TNFRSF11B: variants seen among roughly 807,000 people sequenced by gnomAD.
TNFRSF11B encodes TNF receptor superfamily member 11b.
Under a neutral mutation model 43.4 loss-of-function variants are expected in TNFRSF11B, and 16 were observed. That is an observed-to-expected ratio of 0.37 (90% CI 0.25 to 0.56). The LOEUF is 0.56. TNFRSF11B is among the 20% of genes least tolerant of loss of function. The pLI is 0.80. For missense variants in TNFRSF11B, 444 were observed against 490.1 expected (o/e 0.91, Z 0.89); for synonymous variants, 185 against 181.8 (o/e 1.02, Z -0.14).
In TNFRSF11B at chr8:118,923,668, A is replaced by G. The variant is rs537462720; in HGVS notation, c.*706T>C. The stretch of plus-strand genomic sequence containing the variant: ...AGAGCATCTAATATTCAGATAATTT[A>G]TATTTCATATGTTTTCCAACATTAA... On this transcript the variant is annotated 3_prime_UTR_variant, in exon 5 of 5. Transcript: ENST00000297350. 5 of 152,780 alleles carry G rather than the reference A, an allele frequency of 3.3e-5. 1 individual carries two copies. The highest frequency in any genetic ancestry group is 3.3e-4 in the Admixed American group (5 of 15,310). 9.5% of individuals were successfully genotyped at this position (152,780 alleles called of 1,614,324 possible).
intron 3 of TNFRSF11B, 142 bp downstream of exon 3, chr8:118,928,596 C>G: frequency 2.3e-6 from 2 of 887,160 alleles, no homozygotes; most frequent in Non-Finnish European, 1.8e-6. Context: ...AGTAATGCAT[C>G]GAGAGTAGCC....
chr8:118,943,196 G>A (rs899461281), intron 1 of TNFRSF11B, among the ~76,000 whole-genome samples: 2 of 151,954 alleles, frequency 1.3e-5, no homozygotes, highest in African/African-American at 4.8e-5. Flanking sequence ...ACTTATTCCT[G>A]CATCCCCAGG....
chr8:118,927,743 C>T (rs1285602423), intron 3 of TNFRSF11B, among the ~76,000 whole-genome samples: 1 of 151,942 alleles, frequency 6.6e-6, no homozygotes, highest in Non-Finnish European at 1.5e-5. Context: ...TATACCATTG[C>T]TTGATTAAAC....
rs202090603 is a variant in TNFRSF11B at position 118,933,234 on chromosome 8, C to G, written c.97G>C (p.Glu33Gln). 52 of 1,614,106 alleles carry G rather than the reference C, an allele frequency of 3.2e-5. No homozygotes were observed. The East Asian group carries it at 8.0e-4, about 25-fold the overall frequency. The change falls in exon 2 of 5, where the codon GAA (glutamate) becomes CAA (glutamine). Residue 33 changes from glutamate (E) to glutamine (Q), a missense_variant. Glu to Gln is a conservative substitution (Grantham distance 29). Transcript: ENST00000297350. ...TFPPKYLHYD[E>Q]ETSHQLLCDK... ...CACAACAGCTGATGAGAGGTTTCTT[C>G]GTCATAATGAAGGTACTTTGGAGGA...
intron 2 of TNFRSF11B, 34 bp downstream of exon 2, chr8:118,932,897 A>G: frequency 6.2e-7 from 1 of 1,613,370 alleles, no homozygotes; most frequent in South Asian, 1.1e-5. Flanking sequence ...ACTTTGCATG[A>G]TCCTAATTAA....
intron 2 of TNFRSF11B, among the ~76,000 whole-genome samples, chr8:118,931,223 T>G (rs548669099): frequency 6.6e-6 from 1 of 152,266 alleles, no homozygotes; most frequent in South Asian, 2.1e-4. Context: ...TAGTCTTTCC[T>G]TCTCTTTGGG....
intron 1 of TNFRSF11B, 37 bp from the exon 2 acceptor site, chr8:118,933,337 C>T (rs1327568616): frequency 6.2e-7 from 1 of 1,609,530 alleles, no homozygotes; most frequent in Middle Eastern, 1.7e-4. Flanking sequence ...ATCATCTTAG[C>T]ATGAAAATAG....
intron 1 of TNFRSF11B, among the ~76,000 whole-genome samples, chr8:118,938,225 C>T (rs1208820078): frequency 2.0e-5 from 3 of 152,096 alleles, no homozygotes; most frequent in Admixed American, 2.0e-4. Context: ...AAGTGATCTG[C>T]CTGCTTCAGC....
chr8:118,930,265 A>G (rs1436220039), intron 2 of TNFRSF11B, among the ~76,000 whole-genome samples: 2 of 152,232 alleles, frequency 1.3e-5, no homozygotes, highest in African/African-American at 4.8e-5. Flanking sequence ...ATTCTACAAT[A>G]TCATAAGCAG....
intron 1 of TNFRSF11B, among the ~76,000 whole-genome samples, chr8:118,937,304 C>T (rs1812418661): frequency 1.3e-5 from 2 of 152,132 alleles, no homozygotes; most frequent in Non-Finnish European, 2.9e-5. Context: ...AAAAGTCTTG[C>T]TCTAATCCCC....
intron 1 of TNFRSF11B, among the ~76,000 whole-genome samples, chr8:118,939,461 C>T (rs1434845061): frequency 5.9e-5 from 9 of 152,040 alleles, no homozygotes; most frequent in Admixed American, 5.9e-4. Flanking sequence ...AATAGAGAAA[C>T]AGGTTGGAAA....
rs2129876633 is a variant in TNFRSF11B at position 118,924,048 on chromosome 8, T to G, written c.*326A>C. On this transcript the variant is annotated 3_prime_UTR_variant, in exon 5 of 5. Transcript: ENST00000297350. Reference sequence around the variant, plus strand: ...GCATAGCTGAAATCTCAAAGCTATTTAAGTTAGACATTCCCATATTTAGTA... The same window carrying G: ...GCATAGCTGAAATCTCAAAGCTATTGAAGTTAGACATTCCCATATTTAGTA... 1 of 223,704 alleles carries G rather than the reference T, an allele frequency of 4.5e-6. No homozygotes were observed. The highest frequency in any genetic ancestry group is 9.0e-6 in the Non-Finnish European group (1 of 111,278). 13.9% of individuals were successfully genotyped at this position (223,704 alleles called of 1,614,324 possible).
intron 1 of TNFRSF11B, among the ~76,000 whole-genome samples, chr8:118,948,175 C>T (rs1241082209): frequency 6.6e-6 from 1 of 152,156 alleles, no homozygotes; most frequent in Admixed American, 6.5e-5. Context: ...GGCATCTCTG[C>T]TCCATTGTAG....
intron 1 of TNFRSF11B, among the ~76,000 whole-genome samples, chr8:118,948,836 TAAC>T (rs1453369809): frequency 6.7e-6 from 1 of 149,712 alleles, no homozygotes; most frequent in Non-Finnish European, 1.5e-5. Context: ...GAAACCAAAA[TAAC>T]AATAAAACAA....
At chr8:118,933,367 A>G (rs1812356082) in intron 1 of TNFRSF11B, 67 bp from the exon 2 acceptor site, 3 of 1,596,766 alleles carry the variant, frequency 1.9e-6, no homozygotes, top group Admixed American at 1.7e-5. Context: ...TATGTGCAAC[A>G]GTATCATTTG....
intron 1 of TNFRSF11B, among the ~76,000 whole-genome samples, chr8:118,948,916 A>G (rs1004963576): frequency 5.3e-5 from 8 of 152,166 alleles, no homozygotes; most frequent in African/African-American, 1.9e-4. Flanking sequence ...CTGAGAAAAA[A>G]ATAAATCTAC....
In TNFRSF11B at chr8:118,930,800, C is replaced by T. The variant is rs1021367336; in HGVS notation, c.401-1871G>A. On this transcript the variant is annotated intron_variant, in intron 2 of 4. Transcript: ENST00000297350. ...AGAAGTTCATATGTGTCAGATATTTCTTTTAGGTAAGTTAGCTTTTAAAGT... is the reference window on the plus strand; with the variant it reads ...AGAAGTTCATATGTGTCAGATATTTTTTTTAGGTAAGTTAGCTTTTAAAGT... The T allele has an allele frequency of 9.2e-6, 4 of 433,040 alleles. No homozygotes were observed. The East Asian group carries it at 2.9e-4, about 31-fold the overall frequency. The allele number at this position is 433,040 out of a possible 1,614,324, so 26.8% of individuals were successfully genotyped here.
rs533717887 is a variant in TNFRSF11B at position 118,924,006 on chromosome 8, T to A, written c.*368A>T. On this transcript the variant is annotated 3_prime_UTR_variant, in exon 5 of 5. Coordinates refer to ENST00000297350, the MANE Select transcript of TNFRSF11B (RefSeq NM_002546.4). ...ACTTTTACAGAAAAAAATATGGCTT[T>A]CTAATAAAAGCCTCTAGCATAGCTG... 61 of 183,816 alleles carry A rather than the reference T, an allele frequency of 3.3e-4. No homozygotes were observed. Among genetic ancestry groups the A allele is most frequent in the African/African-American group, 1.4e-3 (58 of 42,282 alleles). The allele number at this position is 183,816 out of a possible 1,614,324, so 11.4% of individuals were successfully genotyped here. A position where few individuals can be genotyped will look rare whatever the true frequency, so the allele number is the denominator to read the frequency against.
intron 1 of TNFRSF11B, among the ~76,000 whole-genome samples, chr8:118,948,287 T>C (rs964550380): frequency 2.0e-5 from 3 of 152,192 alleles, no homozygotes; most frequent in Non-Finnish European, 4.4e-5. Flanking sequence ...CCTTTTTTTT[T>C]TCTTTTTCTT....
Sources: allele counts gnomAD v4.1 joint callset (sites outside exome capture counted in the v4.1 genomes callset), GRCh38; gene constraint gnomAD v4.1.1; transcripts MANE v1.5; gene names NCBI Gene and HGNC (gene_info 2026-07-23, HGNC 2026-07-21).